Variants in SLC25A48 observed in about 807,000 individuals in gnomAD.
The protein encoded by SLC25A48 is solute carrier family 25 member 48, also known as CTC-321K16.1.
SLC25A48 carries 29 observed loss-of-function variants against 32.2 expected under a neutral mutation model. The ratio of observed to expected loss-of-function variants is 0.90; its 90% CI spans 0.67 to 1.23. The LOEUF is 1.23. Ranked by LOEUF, SLC25A48 falls within the 50% of genes most tolerant of loss-of-function variation. The pLI is 0.00. For synonymous variants in SLC25A48, 164 were observed against 172.3 expected (o/e 0.95, Z 0.38); for missense variants, 399 against 422.7 (o/e 0.94, Z 0.49).
intron 3 of SLC25A48, among the ~76,000 whole-genome samples, chr5:135,798,662 G>T (rs963524647): frequency 1.3e-5 from 2 of 151,570 alleles, no homozygotes; most frequent in African/African-American, 4.8e-5. Flanking sequence ...ATCAGAAGGT[G>T]AGAGGATAAT....
intron 1 of SLC25A48, among the ~76,000 whole-genome samples, chr5:135,612,750 C>T (rs1247402423): frequency 6.6e-6 from 1 of 152,086 alleles, no homozygotes; most frequent in East Asian, 1.9e-4. Context: ...AATAGTATTC[C>T]ATCTTCTTCA....
chr5:135,760,539 C>T (rs1164187899), intron 3 of SLC25A48, among the ~76,000 whole-genome samples: 1 of 152,220 alleles, frequency 6.6e-6, no homozygotes, highest in African/African-American at 2.4e-5. Flanking sequence ...TGGTGATTTT[C>T]AGAGTGGACT....
chr5:135,664,026 C>T (rs1480922018), intron 3 of SLC25A48, among the ~76,000 whole-genome samples: 2 of 152,200 alleles, frequency 1.3e-5, no homozygotes, highest in African/African-American at 4.8e-5. Flanking sequence ...TTTGTATTCT[C>T]TGCAGTCAAG....
chr5:135,776,690 A>G (rs543711055), intron 3 of SLC25A48, among the ~76,000 whole-genome samples: 44 of 151,240 alleles, frequency 2.9e-4, no homozygotes, highest in African/African-American at 4.9e-4. Flanking sequence ...AATATCACAG[A>G]GGGTGTACAC....
At chr5:135,624,776 G>A (rs1752406570) in intron 1 of SLC25A48, among the ~76,000 whole-genome samples, 1 of 152,206 alleles carries the variant, frequency 6.6e-6, no homozygotes, top group Non-Finnish European at 1.5e-5. Context: ...TTTTTGGCTG[G>A]TGTGGCTGGC....
Position 135,701,044 on chromosome 5 carries a change from CAG to C in SLC25A48, c.-521+66091_-521+66092del, listed in dbSNP as rs1010581437. 2.7e-4 allele frequency among the ~76,000 whole-genome samples: 41 copies of C among 152,218 alleles called. 1 individual carries two copies. Among genetic ancestry groups the C allele is most frequent in the Admixed American group, 2.7e-3 (41 of 15,286 alleles). On this transcript the variant is annotated intron_variant, in intron 3 of 10. Coordinates refer to the SLC25A48 transcript ENST00000646290. ...TGGCAATGGGCCATCCTCCACTGCA[CAG>C]AGTGACCTGGGGACCTGCAGCTCTC...
At chr5:135,843,428 T>G in intron 2 of SLC25A48, among the ~76,000 whole-genome samples, 1 of 152,150 alleles carries the variant, frequency 6.6e-6, no homozygotes, top group Non-Finnish European at 1.5e-5. Context: ...GACCTAGGCT[T>G]TGAGGACTCA....
intron 5 of SLC25A48, 25 bp downstream of exon 5, chr5:135,871,743 G>T (rs776507613): frequency 6.2e-7 from 1 of 1,610,180 alleles, no homozygotes. Flanking sequence ...AGCTGGAGCC[G>T]CACCCCTGTG....
intron 4 of SLC25A48, among the ~76,000 whole-genome samples, chr5:135,856,994 G>A (rs1051198294): frequency 1.4e-4 from 22 of 152,210 alleles, no homozygotes; most frequent in African/African-American, 9.6e-5. Context: ...AAGCAGCCCC[G>A]CCTCCTTTAC....
chr5:135,767,658 G>A (rs917515007), intron 3 of SLC25A48, among the ~76,000 whole-genome samples: 16 of 151,718 alleles, frequency 1.1e-4, no homozygotes, highest in Non-Finnish European at 2.2e-4. Context: ...ATATCCAGGG[G>A]GAAAAAGGAT....
At chr5:135,832,117 G>T (rs1398321222), upstream of SLC25A48, among the ~76,000 whole-genome samples, 3 of 152,286 alleles carry the variant, frequency 2.0e-5, no homozygotes, top group African/African-American at 7.2e-5. Flanking sequence ...ATCGAGGGAT[G>T]CGCTAAGATG....
In SLC25A48 at chr5:135,787,912, G is replaced by A. The variant is rs1756891555; in HGVS notation, c.-520-24611G>A. 2.0e-5 allele frequency among the ~76,000 whole-genome samples: 3 copies of A among 151,830 alleles called. No individual in the cohort carries two copies. The South Asian group carries it at 6.2e-4, about 31-fold the overall frequency. ...TTGTGATATTACTGCTAATAGCCTT[G>A]GGGGATGTTACTCCTAAAGTCACAA... is the stretch of plus-strand genomic sequence containing the variant. On this transcript the variant is annotated intron_variant, in intron 3 of 10. Coordinates refer to the SLC25A48 transcript ENST00000646290.
chr5:135,639,699 T>A (rs373445950), intron 3 of SLC25A48, among the ~76,000 whole-genome samples: 38 of 152,104 alleles, frequency 2.5e-4, no homozygotes, highest in African/African-American at 9.2e-4. Context: ...TGCTCTAGAG[T>A]AAAGTTCATA....
chr5:135,653,050 GTTCATCCTCTCTTGCCC>G (rs1299307322), intron 3 of SLC25A48, among the ~76,000 whole-genome samples: 1 of 152,194 alleles, frequency 6.6e-6, no homozygotes, highest in African/African-American at 2.4e-5. Flanking sequence ...AGAACACAGC[GTTCATCCTCTCTTGCCC>G]TTCCACCTTC....
intron 3 of SLC25A48, among the ~76,000 whole-genome samples, chr5:135,776,888 A>G (rs984356689): frequency 6.6e-6 from 1 of 152,048 alleles, no homozygotes; most frequent in Middle Eastern, 3.4e-3. Flanking sequence ...ATATCCAGAT[A>G]AAGATATGAT....
intron 1 of SLC25A48, among the ~76,000 whole-genome samples, chr5:135,837,853 A>G (rs1236724531): frequency 6.6e-6 from 1 of 152,256 alleles, no homozygotes; most frequent in Non-Finnish European, 1.5e-5. Flanking sequence ...TATTAGCAGA[A>G]TAAGAATGGA....
At chr5:135,701,154 A>T (rs1256247251) in intron 3 of SLC25A48, among the ~76,000 whole-genome samples, 1 of 152,136 alleles carries the variant, frequency 6.6e-6, no homozygotes, top group Admixed American at 6.5e-5. Context: ...GTGGGCCGTC[A>T]GTCCTCCAGT....
intron 1 of SLC25A48, among the ~76,000 whole-genome samples, chr5:135,583,380 G>T (rs761118854): frequency 7.2e-5 from 11 of 152,022 alleles, no homozygotes; most frequent in Non-Finnish European, 1.6e-4. Flanking sequence ...TTAGAAAGGG[G>T]TCTTGACTGG....
chr5:135,761,392 T>C (rs1368428770), intron 3 of SLC25A48, among the ~76,000 whole-genome samples: 6 of 152,116 alleles, frequency 3.9e-5, no homozygotes, highest in Non-Finnish European at 5.9e-5. Context: ...ATGGCACATG[T>C]ATACATATGT....
Sources: allele counts gnomAD v4.1 joint callset (sites outside exome capture counted in the v4.1 genomes callset), GRCh38; gene constraint gnomAD v4.1.1; transcripts MANE v1.5; gene names NCBI Gene and HGNC (gene_info 2026-07-23, HGNC 2026-07-21).